CCDC85A: variants seen among roughly 807,000 people sequenced by gnomAD.
CCDC85A encodes the protein coiled-coil domain-containing protein 85A.
In CCDC85A, 38 loss-of-function variants were observed where a neutral mutation model predicts 50.2. The observed-to-expected ratio is 0.76, with a 90% CI of 0.58 to 0.99. CCDC85A has a LOEUF of 0.99. CCDC85A is among the 50% of genes least tolerant of loss of function. The pLI is 0.00. For missense variants in CCDC85A, 820 were observed against 742.0 expected (o/e 1.11, Z -1.22); for synonymous variants, 366 against 301.4 (o/e 1.21, Z -2.22).
chr2:56,248,983 G>C (rs1374548465), intron 2 of CCDC85A, among the ~76,000 whole-genome samples: 1 of 152,234 alleles, frequency 6.6e-6, no homozygotes, highest in Non-Finnish European at 1.5e-5. Flanking sequence ...TGGGGTTCTA[G>C]AAAAGGTTAG....
intron 2 of CCDC85A, among the ~76,000 whole-genome samples, chr2:56,249,948 C>A (rs1230213041): frequency 6.6e-6 from 1 of 152,168 alleles, no homozygotes; most frequent in African/African-American, 2.4e-5. Flanking sequence ...TAAATGGCTT[C>A]ATTGCCTCAT....
intron 2 of CCDC85A, among the ~76,000 whole-genome samples, chr2:56,241,411 A>C (rs192228754): frequency 6.6e-6 from 1 of 152,234 alleles, no homozygotes; most frequent in East Asian, 1.9e-4. Flanking sequence ...ATCAAATACC[A>C]GATCTTAGTC....
chr2:56,345,871 C>G (rs1435255121), intron 3 of CCDC85A, among the ~76,000 whole-genome samples: 2 of 152,208 alleles, frequency 1.3e-5, no homozygotes, highest in Admixed American at 6.5e-5. Context: ...AGCTGACATC[C>G]TAGCCTAAGT....
intron 3 of CCDC85A, among the ~76,000 whole-genome samples, chr2:56,354,958 T>C (rs946334206): frequency 2.6e-5 from 4 of 152,202 alleles, no homozygotes; most frequent in Admixed American, 2.0e-4. Flanking sequence ...CCAGCCCAAA[T>C]TGGGATCACA....
intron 2 of CCDC85A, among the ~76,000 whole-genome samples, chr2:56,317,879 G>T (rs960244136): frequency 2.6e-5 from 4 of 152,048 alleles, no homozygotes; most frequent in African/African-American, 9.7e-5. Flanking sequence ...GATTACCTAT[G>T]ATCGCTTCAC....
At chr2:56,206,756 G>A (rs181620863) in intron 2 of CCDC85A, among the ~76,000 whole-genome samples, 7 of 152,218 alleles carry the variant, frequency 4.6e-5, no homozygotes, top group African/African-American at 2.4e-5. Flanking sequence ...CAGCATTAAG[G>A]GTTCCTGAAC....
Position 56,307,974 on chromosome 2 carries a change from T to G in CCDC85A, c.1241-34905T>G, listed in dbSNP as rs542976050. Among the ~76,000 whole-genome samples the G allele has an allele frequency of 2.6e-5, 4 of 152,308 alleles. No homozygotes were observed. In the East Asian group the frequency reaches 7.7e-4, roughly 29 times the overall value. On this transcript the variant is annotated intron_variant, in intron 2 of 5. Coordinates refer to ENST00000407595, the MANE Select transcript of CCDC85A (RefSeq NM_001080433.2). ...TGACATATTTTCAACAGTAAACACT[T>G]AAGTGTCTTTAGGAAGTGTGTTTTA...
chr2:56,276,433 C>T (rs551586829), intron 2 of CCDC85A, among the ~76,000 whole-genome samples: 12 of 152,158 alleles, frequency 7.9e-5, no homozygotes, highest in African/African-American at 1.9e-4. Context: ...GAAATTCCCA[C>T]GTGTCGTAGG....
chr2:56,320,835 A>T (rs908414056), intron 2 of CCDC85A, among the ~76,000 whole-genome samples: 1 of 152,034 alleles, frequency 6.6e-6, no homozygotes, highest in Non-Finnish European at 1.5e-5. Context: ...GAGACACAAT[A>T]AAAAAAGAGA....
intron 2 of CCDC85A, among the ~76,000 whole-genome samples, chr2:56,296,526 C>T (rs1409600033): frequency 6.6e-6 from 1 of 152,118 alleles, no homozygotes; most frequent in Non-Finnish European, 1.5e-5. Flanking sequence ...TGATCCCTAA[C>T]CAGTGTGTTT....
chr2:56,270,809 A>C (rs1670664690), intron 2 of CCDC85A, among the ~76,000 whole-genome samples: 1 of 152,236 alleles, frequency 6.6e-6, no homozygotes, highest in African/African-American at 2.4e-5. Flanking sequence ...GACAGGGTCC[A>C]TGTGATGCTT....
chr2:56,257,261 T>C (rs1244212852), intron 2 of CCDC85A, among the ~76,000 whole-genome samples: 1 of 152,142 alleles, frequency 6.6e-6, no homozygotes, highest in Non-Finnish European at 1.5e-5. Flanking sequence ...TTAATTATAA[T>C]GCAGTCCAGA....
At chr2:56,189,169 C>G (rs1676179753) in intron 1 of CCDC85A, among the ~76,000 whole-genome samples, 1 of 152,046 alleles carries the variant, frequency 6.6e-6, no homozygotes, top group East Asian at 1.9e-4. Flanking sequence ...TAGCTGGCAA[C>G]TAAAGGTGGA....
At chr2:56,330,076 A>G (rs902129961) in intron 2 of CCDC85A, among the ~76,000 whole-genome samples, 1 of 151,062 alleles carries the variant, frequency 6.6e-6, no homozygotes, top group Non-Finnish European at 1.5e-5. Flanking sequence ...ATTTATTAAA[A>G]TGGCATCCAC....
chr2:56,256,013 G>A (rs907839789), intron 2 of CCDC85A, among the ~76,000 whole-genome samples: 2 of 151,922 alleles, frequency 1.3e-5, no homozygotes, highest in Non-Finnish European at 2.9e-5. Flanking sequence ...ATGAACAGAT[G>A]TACATATCCT....
chr2:56,277,393 G>A (rs1670999759), intron 2 of CCDC85A, among the ~76,000 whole-genome samples: 1 of 151,616 alleles, frequency 6.6e-6, no homozygotes. Flanking sequence ...TCTTCTTTAA[G>A]TTAAGCCCCT....
At chr2:56,320,044 T>A (rs565308724) in intron 2 of CCDC85A, among the ~76,000 whole-genome samples, 1 of 152,182 alleles carries the variant, frequency 6.6e-6, no homozygotes, top group South Asian at 2.1e-4. Context: ...GACTACTGGG[T>A]ACATAACAAA....
At chr2:56,191,898 T>C (rs1397310505) in intron 1 of CCDC85A, among the ~76,000 whole-genome samples, 2 of 152,224 alleles carry the variant, frequency 1.3e-5, no homozygotes, top group Non-Finnish European at 2.9e-5. Context: ...GTTTACTCTG[T>C]TGAAAGGTCT....
chr2:56,319,531 T>C (rs1258751332), intron 2 of CCDC85A, among the ~76,000 whole-genome samples: 3 of 152,146 alleles, frequency 2.0e-5, no homozygotes, highest in Non-Finnish European at 4.4e-5. Flanking sequence ...TTTCGCACTC[T>C]TTTTCGATGC....
Sources: gnomAD v4.1 joint callset for allele counts (sites outside exome capture counted in the v4.1 genomes callset) on GRCh38, gnomAD v4.1.1 for gene constraint, MANE v1.5 for transcripts, NCBI Gene and HGNC (gene_info 2026-07-23, HGNC 2026-07-21) for gene names.